MCM5: variants seen among roughly 807,000 people sequenced by gnomAD.
The protein encoded by MCM5 is DNA replication licensing factor MCM5.
In MCM5, 46 loss-of-function variants were observed where a neutral mutation model predicts 79.9. The observed-to-expected ratio is 0.58, with a 90% CI of 0.45 to 0.74. MCM5 has a LOEUF of 0.74. Ranked by LOEUF, MCM5 falls within the 30% of genes least tolerant of loss-of-function variation. MCM5 has a pLI of 0.00. For missense variants in MCM5, 883 were observed against 1,017.0 expected, an observed-to-expected ratio of 0.87 and a Z score of 1.79; for synonymous variants, 404 against 390.5, an observed-to-expected ratio of 1.03 and a Z score of -0.41.
intron 12 of MCM5, among the ~76,000 whole-genome samples, chr22:35,417,431 T>A (rs133423): frequency 0.79 from 120,013 of 152,204 alleles, 48,358 homozygotes; most frequent in African/African-American, 0.94. Context: ...GGGTAGATCC[T>A]ATGTCCATGC....
intron 14 of MCM5, among the ~76,000 whole-genome samples, 186 bp from the exon 15 acceptor site, chr22:35,421,127 CAAAAA>C (rs133430): frequency 1.1e-5 from 1 of 88,916 alleles, no homozygotes; most frequent in African/African-American, 4.8e-5. Flanking sequence ...GACTTTGTCT[CAAAAA>C]AAAAAAAAAA....
rs1329961581 is a variant in MCM5, at chr22:35,412,618, T to C, written c.1028T>C (p.Ile343Thr). ...EVISKSIAPS[I>T]FGGTDMKKAI... ...ATCTCCAAGAGCATCGCCCCCTCCA[T>C]CTTTGGGGGCACAGACATGAAGAAG... Residue 343 changes from isoleucine (I) to threonine (T), a missense_variant, in exon 8 of 17, where the codon ATC (isoleucine) becomes ACC (threonine). By Grantham distance (89) the Ile-to-Thr change is moderately conservative (BLOSUM62 -1). This residue lies in a region of MCM5 where 455 missense variants were observed against 517.5 expected (regional missense o/e 0.88). Coordinates refer to ENST00000216122, the MANE Select transcript of MCM5 (RefSeq NM_006739.4). 1 of 1,576,392 alleles carries C rather than the reference T, an allele frequency of 6.3e-7. No individual in the cohort carries two copies. Among genetic ancestry groups the C allele is most frequent in the South Asian group, 1.2e-5 (1 of 86,692 alleles).
At chr22:35,421,489 A>C in intron 15 of MCM5, 29 bp downstream of exon 15, 1 of 1,613,770 alleles carries the variant, frequency 6.2e-7, no homozygotes, top group Non-Finnish European at 8.5e-7. Context: ...CATGGTCTCA[A>C]TTGATCTGGG....
At chr22:35,453,752 GACA>G in the MCM5 span, among the ~76,000 whole-genome samples, 1 of 148,810 alleles carries the variant, frequency 6.7e-6, no homozygotes, top group Non-Finnish European at 1.5e-5. Context: ...ATCAGAGACA[GACA>G]GACAGAGAGG....
chr22:35,400,632 C>T (rs778454529), intron 2 of MCM5, 27 bp downstream of exon 2: 4 of 1,564,988 alleles, frequency 2.6e-6, no homozygotes, highest in Non-Finnish European at 1.7e-6. Flanking sequence ...GCCGGGGGCT[C>T]GAGTTCCAGT....
intron 2 of MCM5, chr22:35,401,355 CATTT>C: frequency 2.1e-6 from 1 of 468,758 alleles, no homozygotes; most frequent in Non-Finnish European, 4.4e-6. Flanking sequence ...TTCGCTCATT[CATTT>C]ATTTATACCA....
the MCM5 span, among the ~76,000 whole-genome samples, chr22:35,454,050 G>A: frequency 7.2e-5 from 11 of 152,188 alleles, no homozygotes; most frequent in East Asian, 2.1e-3. Context: ...GACAGACAGA[G>A]ATAGAGATGA....
the MCM5 span, among the ~76,000 whole-genome samples, chr22:35,438,459 T>C: frequency 7.6e-4 from 21 of 27,548 alleles, no homozygotes; most frequent in Non-Finnish European, 1.0e-3. Flanking sequence ...ATCCACATAT[T>C]CATCCATCCA....
the MCM5 span, among the ~76,000 whole-genome samples, chr22:35,438,321 G>A: frequency 4.3e-4 from 10 of 23,258 alleles, no homozygotes; most frequent in East Asian, 5.1e-3. Context: ...CCGTTCATCC[G>A]TCCATCTATC....
chr22:35,423,134 T>C, intron 15 of MCM5, 80 bp from the exon 16 acceptor site: 4 of 1,449,170 alleles, frequency 2.8e-6, no homozygotes, highest in Non-Finnish European at 3.7e-6. Flanking sequence ...AGGCTGTTCT[T>C]CCTTGGGCTA....
At chr22:35,415,046 CAG>C (rs1477323681) in intron 9 of MCM5, among the ~76,000 whole-genome samples, 2 of 152,106 alleles carry the variant, frequency 1.3e-5, no homozygotes, top group Non-Finnish European at 2.9e-5. Context: ...TATGTCTTCT[CAG>C]ATTGTCTAAC....
intron 1 of MCM5, 94 bp downstream of exon 1, chr22:35,400,302 G>T: frequency 1.1e-6 from 1 of 935,336 alleles, no homozygotes. Flanking sequence ...CTCGGGAACT[G>T]GGGTTGGAGT....
the MCM5 span, among the ~76,000 whole-genome samples, chr22:35,439,379 CT>C: frequency 6.7e-6 from 1 of 148,766 alleles, no homozygotes; most frequent in Non-Finnish European, 1.5e-5. Context: ...ATTCATCCAT[CT>C]ATCCATACAT....
At chr22:35,442,256 C>T in the MCM5 span, among the ~76,000 whole-genome samples, 1 of 151,968 alleles carries the variant, frequency 6.6e-6, no homozygotes, top group Non-Finnish European at 1.5e-5. Context: ...CACTTGCTGC[C>T]TGCCTGCTTG....
chr22:35,417,638 C>T (rs1001803991), intron 12 of MCM5, 106 bp from the exon 13 acceptor site: 3 of 792,996 alleles, frequency 3.8e-6, no homozygotes, highest in South Asian at 1.5e-5. Flanking sequence ...TTTCCGGCTC[C>T]TTGATGCCAG....
intron 5 of MCM5, among the ~76,000 whole-genome samples, chr22:35,408,106 A>T (rs1311630603): frequency 6.6e-6 from 1 of 152,198 alleles, no homozygotes; most frequent in African/African-American, 2.4e-5. Flanking sequence ...CTCTTCACCC[A>T]TGAGGACACC....
the MCM5 span, among the ~76,000 whole-genome samples, chr22:35,438,827 A>C: frequency 1.1e-4 from 11 of 100,006 alleles, no homozygotes; most frequent in Admixed American, 2.1e-4. Flanking sequence ...GTCCATCCAC[A>C]TATTCATCCA....
chr22:35,453,815 T>TAGAGAGAGAGAGAG, the MCM5 span, among the ~76,000 whole-genome samples: 1 of 89,190 alleles, frequency 1.1e-5, no homozygotes, highest in Non-Finnish European at 2.2e-5. Flanking sequence ...TATATATATA[T>TAGAGAGAGAGAGAG]ATATAGAGAG....
rs1932767409 is a variant in MCM5 at position 35,425,188 on chromosome 22, ACT to A, written c.*936_*937del. 1 of 152,170 alleles carries A rather than the reference ACT, an allele frequency of 6.6e-6. No homozygotes were observed. Among genetic ancestry groups the A allele is most frequent in the African/African-American group, 2.4e-5 (1 of 41,418 alleles). 9.4% of individuals were successfully genotyped at this position (152,170 alleles called of 1,614,324 possible). On this transcript the variant is annotated 3_prime_UTR_variant, in exon 17 of 17. Transcript: ENST00000216122. ...TCACTTTGCCTAATTTCAGAAAGTC[ACT>A]CTGAGTTGGTATGTTTTGTGTTTTT... is the stretch of plus-strand genomic sequence containing the variant.
Sources: allele counts gnomAD v4.1 joint callset (sites outside exome capture counted in the v4.1 genomes callset), GRCh38; gene constraint gnomAD v4.1.1; regional missense constraint gnomAD v4.1.1; transcripts MANE v1.5; gene names NCBI Gene and HGNC (gene_info 2026-07-23, HGNC 2026-07-21).